Variants in CD8B2 observed in about 807,000 individuals in gnomAD.
CD8B2 encodes the protein T-cell surface glycoprotein CD8 beta-2 chain.
A neutral mutation model predicts 23.7 loss-of-function variants in CD8B2; 11 were observed. The observed-to-expected ratio is 0.46, with a 90% CI of 0.29 to 0.77. The LOEUF is 0.77. Among genes scored for constraint, CD8B2 ranks in the 30% least tolerant of loss-of-function variants. The probability of loss-of-function intolerance (pLI) is 0.09; values close to 1 mark genes in which losing one functional copy is unlikely to be tolerated. For synonymous variants in CD8B2, 90 were observed against 109.3 expected, an observed-to-expected ratio of 0.82 and a Z score of 1.10; for missense variants, 197 against 270.5, an observed-to-expected ratio of 0.73 and a Z score of 1.91.
chr2:106,540,688 C>A (rs948097474), intron 5 of CD8B2, among the ~76,000 whole-genome samples: 45 of 152,238 alleles, frequency 3.0e-4, no homozygotes, highest in African/African-American at 1.0e-3. Flanking sequence ...CCTCAGCCTC[C>A]TGAGTAGTTG....
chr2:106,522,354 A>G (rs1679839740), intron 5 of CD8B2, among the ~76,000 whole-genome samples: 1 of 152,200 alleles, frequency 6.6e-6, no homozygotes, highest in Non-Finnish European at 1.5e-5. Flanking sequence ...TCCAATAATA[A>G]AATTCCCCAA....
chr2:106,541,617 G>C (rs1245002000), intron 5 of CD8B2, among the ~76,000 whole-genome samples: 3 of 152,178 alleles, frequency 2.0e-5, no homozygotes, highest in Non-Finnish European at 4.4e-5. Context: ...CGACCTGTTA[G>C]TGGATTATGA....
chr2:106,524,001 G>A (rs1156271438), intron 5 of CD8B2, among the ~76,000 whole-genome samples: 2 of 152,184 alleles, frequency 1.3e-5, no homozygotes, highest in African/African-American at 4.8e-5. Context: ...AAAAAGTCCT[G>A]TAAATATCAG....
chr2:106,518,976 C>T (rs541775755), intron 5 of CD8B2, among the ~76,000 whole-genome samples: 2 of 151,984 alleles, frequency 1.3e-5, no homozygotes, highest in East Asian at 1.9e-4. Flanking sequence ...TCCATCTATC[C>T]CTCCATTCAT....
At chr2:106,514,851 A>G (rs1179666266), downstream of CD8B2, among the ~76,000 whole-genome samples, 5 of 152,068 alleles carry the variant, frequency 3.3e-5, no homozygotes, top group African/African-American at 9.7e-5. Flanking sequence ...AGCATTCTTT[A>G]TGACTCTGGC....
At chr2:106,526,069 T>C (rs987304010) in intron 5 of CD8B2, among the ~76,000 whole-genome samples, 8 of 152,094 alleles carry the variant, frequency 5.3e-5, no homozygotes, top group Admixed American at 4.6e-4. Flanking sequence ...GGAGAAACCC[T>C]GTCTCTACTA....
rs552642588 is a variant in CD8B2 at position 106,507,104 on chromosome 2, T to C, written c.*164T>C. On this transcript the variant is annotated 3_prime_UTR_variant, in exon 6 of 6. Transcript: ENST00000643224. Reference sequence around the variant, plus strand: ...AAGGCCTTTCTGTGTGTGACGTGCATGGGAGCAACTTGTTTGTGGGTCATC... The same window carrying C: ...AAGGCCTTTCTGTGTGTGACGTGCACGGGAGCAACTTGTTTGTGGGTCATC... 2 of 1,504,118 alleles carry C rather than the reference T, an allele frequency of 1.3e-6. No individual in the cohort carries two copies. Among genetic ancestry groups the C allele is most frequent in the Middle Eastern group, 2.1e-4 (1 of 4,772 alleles). 93.2% of individuals were successfully genotyped at this position (1,504,118 alleles called of 1,614,324 possible). A position where few individuals can be genotyped will look rare whatever the true frequency, so the allele number is the denominator to read the frequency against.
intron 5 of CD8B2, among the ~76,000 whole-genome samples, chr2:106,540,381 C>T (rs184116667): frequency 7.9e-5 from 12 of 152,200 alleles, no homozygotes; most frequent in African/African-American, 2.6e-4. Flanking sequence ...CCACCAAAGG[C>T]GCATTAATGT....
chr2:106,487,399 C>T lies in CD8B2; in HGVS notation c.-28C>T, dbSNP rs1262478301. ...GCCGCGACTGTCTCCGCCGAGCCCCCGGGGCCAGGTGTCCCGGGCGCGCCC... is the reference window on the plus strand; with the variant it reads ...GCCGCGACTGTCTCCGCCGAGCCCCTGGGGCCAGGTGTCCCGGGCGCGCCC... On this transcript the variant is annotated 5_prime_UTR_variant, in exon 1 of 6. Transcript: ENST00000643224. 6 of 1,221,354 alleles carry T rather than the reference C, an allele frequency of 4.9e-6. No homozygotes were observed. In the East Asian group the frequency reaches 1.3e-4, roughly 26 times the overall value. The allele number at this position is 1,221,354 out of a possible 1,614,324, so 75.7% of individuals were successfully genotyped here.
chr2:106,542,825 A>G (rs1680197452), intron 5 of CD8B2, among the ~76,000 whole-genome samples: 2 of 151,950 alleles, frequency 1.3e-5, no homozygotes, highest in South Asian at 2.1e-4. Context: ...ATGTGTGTAT[A>G]AGTGAATACA....
intron 5 of CD8B2, among the ~76,000 whole-genome samples, chr2:106,533,365 A>G (rs763679781): frequency 2.6e-5 from 4 of 152,200 alleles, no homozygotes; most frequent in Non-Finnish European, 5.9e-5. Flanking sequence ...CAGGATTTAA[A>G]ACTAAGTAAA....
chr2:106,517,902 G>C lies in CD8B2; in HGVS notation c.620+13577G>C, dbSNP rs145799626. Among the ~76,000 whole-genome samples, 4 of 152,196 alleles carry C rather than the reference G, an allele frequency of 2.6e-5. No homozygotes were observed. In the East Asian group the frequency reaches 7.8e-4, roughly 30 times the overall value. Reference sequence around the variant, plus strand: ...TAATTTTTTTTGTAATTTTAGTAGAGACGGGGTTTCACCGTGTTAGCCAGG... The same window carrying C: ...TAATTTTTTTTGTAATTTTAGTAGACACGGGGTTTCACCGTGTTAGCCAGG... On this transcript the variant is annotated intron_variant, in intron 5 of 5. Coordinates refer to the CD8B2 transcript ENST00000416057.
At chr2:106,526,412 C>T (rs1472494674) in intron 5 of CD8B2, among the ~76,000 whole-genome samples, 1 of 152,120 alleles carries the variant, frequency 6.6e-6, no homozygotes, top group African/African-American at 2.4e-5. Context: ...CATTCACGGC[C>T]ATTTACCCCT....
intron 3 of CD8B2, among the ~76,000 whole-genome samples, chr2:106,497,806 G>A (rs574564000): frequency 1.6e-4 from 24 of 152,208 alleles, no homozygotes; most frequent in Admixed American, 1.3e-3. Context: ...TCACCTAAAC[G>A]ATTTCAGGCA....
chr2:106,520,745 C>A (rs1573345409), intron 5 of CD8B2, among the ~76,000 whole-genome samples: 1 of 152,050 alleles, frequency 6.6e-6, no homozygotes, highest in Non-Finnish European at 1.5e-5. Flanking sequence ...TGCCCCACAC[C>A]TGTAATCCCA....
At chr2:106,501,256 A>G (rs1233083878) in intron 3 of CD8B2, among the ~76,000 whole-genome samples, 1 of 152,110 alleles carries the variant, frequency 6.6e-6, no homozygotes, top group Non-Finnish European at 1.5e-5. Flanking sequence ...TGGTACATCC[A>G]TGCTGTCAGA....
chr2:106,491,809 A>G (rs1389156503), intron 2 of CD8B2, among the ~76,000 whole-genome samples: 1 of 152,084 alleles, frequency 6.6e-6, no homozygotes, highest in Non-Finnish European at 1.5e-5. Flanking sequence ...TTAGCCTCCC[A>G]AAGCGCTAGG....
chr2:106,492,269 G>A (rs927627162), intron 2 of CD8B2, among the ~76,000 whole-genome samples: 1 of 152,126 alleles, frequency 6.6e-6, no homozygotes, highest in Non-Finnish European at 1.5e-5. Context: ...AGCAAGTCCA[G>A]CAGACGCACA....
rs192069034 is a variant in CD8B2 at position 106,490,856 on chromosome 2, G to C, written c.44-18G>C. ...GGCTAGGAAAATGTGCGATGTCTCT[G>C]TTCTTGGCTTTTCCTAGTTCTCCAT... On this transcript the variant is annotated intron_variant, in intron 1 of 5. Transcript: ENST00000643224. 103 of 1,559,230 alleles carry C rather than the reference G, an allele frequency of 6.6e-5. 1 individual carries two copies. The Admixed American group carries it at 1.1e-3, about 16-fold the overall frequency.
Sources: allele counts gnomAD v4.1 joint callset (sites outside exome capture counted in the v4.1 genomes callset), GRCh38; gene constraint gnomAD v4.1.1; transcripts MANE v1.5; gene names NCBI Gene and HGNC (gene_info 2026-07-23, HGNC 2026-07-21).